Variants in FRMD8 observed in about 807,000 individuals in gnomAD.
FRMD8 encodes FERM domain containing 8.
In FRMD8, 37 loss-of-function variants were observed where a neutral mutation model predicts 54.2. The ratio of observed to expected loss-of-function variants is 0.68; its 90% CI spans 0.53 to 0.90. The LOEUF is 0.90. Among genes scored for constraint, FRMD8 ranks in the 40% least tolerant of loss-of-function variants. The probability of loss-of-function intolerance (pLI) is 0.00; values close to 1 mark genes in which losing one functional copy is unlikely to be tolerated. For synonymous variants in FRMD8, 246 were observed against 286.9 expected, an observed-to-expected ratio of 0.86 and a Z score of 1.44; for missense variants, 585 against 653.7, an observed-to-expected ratio of 0.89 and a Z score of 1.15.
rs771842669 is a variant in FRMD8, at chr11:65,400,725, A to G, written c.929A>G (p.His310Arg). 3.2e-6 allele frequency: 5 copies of G among 1,586,142 alleles called. No individual in the cohort carries two copies. The highest frequency in any genetic ancestry group is 2.3e-5 in the South Asian group (2 of 86,550). ...GVHVIDSREK[H>R]VLLGLRFQEL... ...GGCTCTGTGTCTCCTGCTGGCCAGC[A>G]TGTCCTGCTGGGCCTGCGCTTCCAG... Residue 310 changes from histidine to arginine, a missense_variant and splice_region_variant, in exon 9 of 11, where the codon CAT becomes CGT. Physicochemically the swap from His to Arg is conservative, Grantham distance 29. Transcript: ENST00000317568. The surrounding 1 kb of genome is among the most constrained non-coding windows in gnomAD (Gnocchi z 4.3).
chr11:65,389,580 C>A, intron 3 of FRMD8, 52 bp downstream of exon 3: 2 of 1,519,378 alleles, frequency 1.3e-6, no homozygotes, highest in Non-Finnish European at 1.8e-6. Flanking sequence ...GGGCACTGAC[C>A]AGTACAGGAG....
the FRMD8 span, chr11:65,379,506 T>C: frequency 6.2e-7 from 1 of 1,613,502 alleles, no homozygotes; most frequent in Admixed American, 1.7e-5. Flanking sequence ...CAGGACAGAG[T>C]TGACCACAGC....
intron 10 of FRMD8, among the ~76,000 whole-genome samples, chr11:65,407,546 C>T (rs1206633561): frequency 2.1e-5 from 3 of 144,330 alleles, no homozygotes; most frequent in East Asian, 2.1e-4. Flanking sequence ...CCACCGCACC[C>T]GGCCAGAGAT....
In FRMD8 at chr11:65,400,469, C is replaced by A. The variant is rs1458721546; in HGVS notation, c.928-255C>A. Among the ~76,000 whole-genome samples the A allele has an allele frequency of 1.3e-5, 2 of 152,212 alleles. No individual in the cohort carries two copies. Among genetic ancestry groups the A allele is most frequent in the Admixed American group, 6.5e-5 (1 of 15,282 alleles). On this transcript the variant is annotated intron_variant, in intron 8 of 10. Transcript: ENST00000317568. This position sits in a 1 kb window ranked among gnomAD's most constrained non-coding sequence, Gnocchi z 4.3. ...CCGCTTCCCCACCTGCCTCCTCCCCCACGTGCCTCCCCCGCTGTCAGGGGC... is the reference window on the plus strand; with the variant it reads ...CCGCTTCCCCACCTGCCTCCTCCCCAACGTGCCTCCCCCGCTGTCAGGGGC...
At chr11:65,396,393 G>T (rs561626376) in intron 6 of FRMD8, among the ~76,000 whole-genome samples, 2 of 152,304 alleles carry the variant, frequency 1.3e-5, no homozygotes, top group South Asian at 4.1e-4. Context: ...CAGAGGGACA[G>T]CCCCAGGTGG....
At chr11:65,388,760 C>G (rs1855781750) in intron 2 of FRMD8, among the ~76,000 whole-genome samples, 3 of 152,130 alleles carry the variant, frequency 2.0e-5, no homozygotes, top group Admixed American at 2.0e-4. Context: ...TTAAAGAGTC[C>G]CAAGGAAGCT....
In FRMD8 at chr11:65,389,386, G is replaced by A. The variant is rs375533419; in HGVS notation, c.111G>A (p.Ala37=). Residue 37 remains alanine, a synonymous_variant, in exon 3 of 11, where the codon GCG becomes GCA. Transcript: ENST00000317568. ...ARAADVLVYL[A]DDTVVPLAVE... ...CGGCTGACGTGCTGGTATACCTAGCGGATGACACGGTGGTGCCCCTGGCTG... is the reference window on the plus strand; with the variant it reads ...CGGCTGACGTGCTGGTATACCTAGCAGATGACACGGTGGTGCCCCTGGCTG... 23 of 1,610,684 alleles carry A rather than the reference G, an allele frequency of 1.4e-5. No individual in the cohort carries two copies. Among genetic ancestry groups the A allele is most frequent in the East Asian group, 1.1e-4 (5 of 44,898 alleles).
At chr11:65,371,027 A>G in the FRMD8 span, among the ~76,000 whole-genome samples, 2 of 152,158 alleles carry the variant, frequency 1.3e-5, no homozygotes, top group African/African-American at 2.4e-5. Context: ...TGAGGGCAGC[A>G]GGGCGGGCTG....
rs1045542321 is a variant in FRMD8 at position 65,412,927 on chromosome 11, C to T, written c.*1567C>T. The T allele has an allele frequency of 1.3e-5, 2 of 152,360 alleles. No homozygotes were observed. The highest frequency in any genetic ancestry group is 1.9e-4 in the East Asian group (1 of 5,188). 9.4% of individuals were successfully genotyped at this position (152,360 alleles called of 1,614,324 possible). On this transcript the variant is annotated 3_prime_UTR_variant, in exon 11 of 11. Coordinates refer to ENST00000317568, the MANE Select transcript of FRMD8 (RefSeq NM_031904.5). ...AGTTGCTCGGTCTTGCGGAGCTGCC[C>T]GCCTGCCTGTTCTGGCGGCTCCAGC...
the FRMD8 span, chr11:65,380,451 T>C: frequency 8.8e-7 from 1 of 1,138,944 alleles, no homozygotes; most frequent in Non-Finnish European, 1.2e-6. Context: ...GCCAAAGACG[T>C]ACGTGTCCTC....
At chr11:65,387,542 C>CCTTT (rs990126422) in intron 2 of FRMD8, among the ~76,000 whole-genome samples, 4 of 151,736 alleles carry the variant, frequency 2.6e-5, no homozygotes, top group Admixed American at 6.6e-5. Context: ...TTCTTTCTTT[C>CCTTT]CTTTCTTTCT....
chr11:65,386,043 G>A (rs1445969633), upstream of FRMD8, among the ~76,000 whole-genome samples: 6 of 151,926 alleles, frequency 3.9e-5, no homozygotes, highest in African/African-American at 1.2e-4. Flanking sequence ...TGATCCGCCC[G>A]CCTCGGCCTC....
At chr11:65,407,638 C>T (rs1262281790) in intron 10 of FRMD8, among the ~76,000 whole-genome samples, 2 of 151,914 alleles carry the variant, frequency 1.3e-5, no homozygotes, top group East Asian at 3.9e-4. Flanking sequence ...CGCCTGTAAT[C>T]CCAGCACTTT....
chr11:65,386,347 G>A (rs994268168), upstream of FRMD8, among the ~76,000 whole-genome samples: 2 of 152,210 alleles, frequency 1.3e-5, no homozygotes, highest in Non-Finnish European at 2.9e-5. Flanking sequence ...GAACTAGCCC[G>A]AAGACCCAGC....
chr11:65,399,089 C>T (rs1048533192), intron 7 of FRMD8, among the ~76,000 whole-genome samples: 7 of 151,164 alleles, frequency 4.6e-5, no homozygotes, highest in Non-Finnish European at 1.0e-4. Flanking sequence ...GCTCCGCCTC[C>T]CAGGTTCACG....
chr11:65,397,127 C>A, intron 7 of FRMD8, 107 bp downstream of exon 7: 1 of 611,532 alleles, frequency 1.6e-6, no homozygotes, highest in African/African-American at 1.9e-5. Flanking sequence ...AGCTGTGTCC[C>A]CATGAAGTGG....
chr11:65,404,382 G>A lies in FRMD8; in HGVS notation c.1072-482G>A, dbSNP rs931939621. On this transcript the variant is annotated intron_variant, in intron 9 of 10. Coordinates refer to ENST00000317568, the MANE Select transcript of FRMD8 (RefSeq NM_031904.5). This position sits in a 1 kb window ranked among gnomAD's most constrained non-coding sequence, Gnocchi z 4.7. Reference sequence around the variant, plus strand: ...CATCTTTTCTGTCAGTGTGCCTCATGCTTCACACCTGTTGAGTAGGAGTCA... The same window carrying A: ...CATCTTTTCTGTCAGTGTGCCTCATACTTCACACCTGTTGAGTAGGAGTCA... 1.2e-4 allele frequency among the ~76,000 whole-genome samples: 19 copies of A among 152,158 alleles called. No homozygotes were observed. The highest frequency in any genetic ancestry group is 1.2e-4 in the Non-Finnish European group (8 of 68,032).
intron 6 of FRMD8, among the ~76,000 whole-genome samples, 179 bp downstream of exon 6, chr11:65,394,604 C>G (rs1238256560): frequency 2.0e-5 from 3 of 152,246 alleles, no homozygotes; most frequent in African/African-American, 7.2e-5. Context: ...CCTCCTTTTC[C>G]TCACCTGTCC....
At chr11:65,372,241 C>A in the FRMD8 span, among the ~76,000 whole-genome samples, 1 of 152,164 alleles carries the variant, frequency 6.6e-6, no homozygotes, top group Admixed American at 6.6e-5. Context: ...TCTCTCTGGC[C>A]CCTTCCTGCC....
Sources: allele counts gnomAD v4.1 joint callset (sites outside exome capture counted in the v4.1 genomes callset), GRCh38; gene constraint gnomAD v4.1.1; non-coding constraint Gnocchi (gnomAD v3.1); transcripts MANE v1.5; gene names NCBI Gene and HGNC (gene_info 2026-07-23, HGNC 2026-07-21).